Variants in TBC1D15 observed in about 807,000 individuals in gnomAD.
TBC1D15 encodes the protein TBC1 domain family member 15.
A neutral mutation model predicts 95.4 loss-of-function variants in TBC1D15; 39 were observed. The ratio of observed to expected loss-of-function variants is 0.41; its 90% confidence interval spans 0.32 to 0.53. TBC1D15 has a LOEUF of 0.53. TBC1D15 is among the 20% of genes least tolerant of loss of function. TBC1D15 has a pLI of 0.29. For missense variants in TBC1D15, 733 were observed against 794.3 expected (o/e 0.92, Z 0.93); for synonymous variants, 258 against 261.3 (o/e 0.99, Z 0.12).
intron 4 of TBC1D15, 151 bp from the exon 5 acceptor site, chr12:71,884,660 C>T: frequency 8.5e-6 from 5 of 587,880 alleles, no homozygotes; most frequent in South Asian, 2.5e-5. Context: ...TATAAGTAGC[C>T]ATATCTAATA....
At chr12:71,872,011 A>G (rs1892808138) in intron 1 of TBC1D15, 59 bp from the exon 2 acceptor site, 2 of 690,028 alleles carry the variant, frequency 2.9e-6, no homozygotes, top group South Asian at 7.4e-5. Flanking sequence ...TAATATTTTA[A>G]CATGTTAAAA....
chr12:71,920,108 G>A (rs1868692833), intron 14 of TBC1D15, among the ~76,000 whole-genome samples: 1 of 152,070 alleles, frequency 6.6e-6, no homozygotes, highest in South Asian at 2.1e-4. Context: ...CATGAAGCAG[G>A]GGGAAATTAA....
intron 9 of TBC1D15, 45 bp downstream of exon 9, chr12:71,896,825 C>T: frequency 6.8e-7 from 1 of 1,467,336 alleles, no homozygotes; most frequent in Non-Finnish European, 9.5e-7. Context: ...ATTCAAGTAA[C>T]CCACTCATAC....
Position 71,851,005 on chromosome 12 carries a change from AAAAG to A in TBC1D15, c.30+11202_30+11205del, listed in dbSNP as rs1301706604. Reference sequence around the variant, plus strand: ...ATCTCAAAAAAAAAAAAAAAAAAAAAAAAGAAAGAAATACCTGAGACTTGGTAAT... The same window carrying A: ...ATCTCAAAAAAAAAAAAAAAAAAAAAAAAGAAATACCTGAGACTTGGTAAT... On this transcript the variant is annotated intron_variant, in intron 1 of 16. Coordinates refer to ENST00000485960, the MANE Select transcript of TBC1D15 (RefSeq NM_001146213.3). Among the ~76,000 whole-genome samples, 12 of 151,196 alleles carry A rather than the reference AAAAG, an allele frequency of 7.9e-5. No individual in the cohort carries two copies. In the East Asian group the frequency reaches 1.7e-3, roughly 22 times the overall value.
chr12:71,914,977 G>GTA (rs1401125222), intron 12 of TBC1D15, among the ~76,000 whole-genome samples: 2 of 151,698 alleles, frequency 1.3e-5, no homozygotes, highest in Non-Finnish European at 2.9e-5. Flanking sequence ...TTTTCTAAAT[G>GTA]TATACTTGGT....
intron 1 of TBC1D15, among the ~76,000 whole-genome samples, chr12:71,852,965 G>T (rs1272113482): frequency 6.6e-6 from 1 of 152,234 alleles, no homozygotes. Flanking sequence ...ACATTTTAAG[G>T]TGTTTTTATA....
At chr12:71,902,046 ACT>A (rs1899510802) in intron 10 of TBC1D15, among the ~76,000 whole-genome samples, 1 of 152,156 alleles carries the variant, frequency 6.6e-6, no homozygotes, top group Non-Finnish European at 1.5e-5. Flanking sequence ...AGGTGAAAGA[ACT>A]CTGCAATGAG....
chr12:71,913,969 T>G (rs1433866305), intron 12 of TBC1D15, 43 bp downstream of exon 12: 2 of 1,432,970 alleles, frequency 1.4e-6, no homozygotes, highest in East Asian at 2.4e-5. Flanking sequence ...TTTTAAAATT[T>G]TAGTTGTATA....
rs187767854 is a variant in TBC1D15 at position 71,857,462 on chromosome 12, A to G, written c.31-14608A>G. ...ATAAACATAAGAAGCAGAATGTTCT[A>G]TGGCAGGATGATACTACTCAGGAAT... On this transcript the variant is annotated intron_variant, in intron 1 of 16. Transcript: ENST00000485960. Among the ~76,000 whole-genome samples, 720 of 152,356 alleles carry G rather than the reference A, an allele frequency of 4.7e-3. 9 individuals carry two copies. The highest frequency in any genetic ancestry group is 6.1e-3 in the Non-Finnish European group (417 of 68,040).
chr12:71,862,585 T>A (rs1364672784), intron 1 of TBC1D15, among the ~76,000 whole-genome samples: 1 of 152,238 alleles, frequency 6.6e-6, no homozygotes, highest in Non-Finnish European at 1.5e-5. Flanking sequence ...ATTTAAAAAA[T>A]TCCATTTATC....
intron 3 of TBC1D15, among the ~76,000 whole-genome samples, chr12:71,876,604 A>G (rs1893873077): frequency 6.6e-6 from 1 of 151,790 alleles, no homozygotes; most frequent in Admixed American, 6.6e-5. Context: ...TCCCATGCCA[A>G]CCTCTGTTTT....
At chr12:71,898,490 A>G (rs1281673110) in intron 10 of TBC1D15, among the ~76,000 whole-genome samples, 2 of 152,254 alleles carry the variant, frequency 1.3e-5, no homozygotes, top group African/African-American at 4.8e-5. Context: ...ACTATTCTCT[A>G]AAACACAGAG....
At chr12:71,895,743 A>G (rs937194908) in intron 7 of TBC1D15, among the ~76,000 whole-genome samples, 21 of 152,118 alleles carry the variant, frequency 1.4e-4, no homozygotes, top group Admixed American at 1.1e-3. Flanking sequence ...TGAATTTATA[A>G]CCCAGTTTGT....
At chr12:71,842,183 C>A (rs922187503) in intron 1 of TBC1D15, among the ~76,000 whole-genome samples, 3 of 152,184 alleles carry the variant, frequency 2.0e-5, no homozygotes, top group Non-Finnish European at 4.4e-5. Flanking sequence ...TTGCTTTGAA[C>A]TTGGAGTTTC....
chr12:71,882,513 T>C (rs966291349), intron 4 of TBC1D15, among the ~76,000 whole-genome samples: 2 of 152,232 alleles, frequency 1.3e-5, no homozygotes, highest in Non-Finnish European at 2.9e-5. Flanking sequence ...AGTTTTTACA[T>C]GTATTTGGTA....
intron 1 of TBC1D15, among the ~76,000 whole-genome samples, chr12:71,845,528 T>A (rs1416451385): frequency 6.6e-6 from 1 of 152,004 alleles, no homozygotes; most frequent in Admixed American, 6.6e-5. Context: ...ATAGAACACA[T>A]GAGATTAAGA....
chr12:71,890,995 C>G (rs1032828281), intron 5 of TBC1D15, among the ~76,000 whole-genome samples: 3 of 152,124 alleles, frequency 2.0e-5, no homozygotes, highest in Non-Finnish European at 4.4e-5. Flanking sequence ...AAAATATTCC[C>G]TTAAAAAGCC....
intron 1 of TBC1D15, among the ~76,000 whole-genome samples, chr12:71,860,530 A>T (rs946691428): frequency 6.6e-6 from 1 of 151,828 alleles, no homozygotes; most frequent in Non-Finnish European, 1.5e-5. Flanking sequence ...TGCTTTCTTG[A>T]TTTGTTTTTC....
intron 14 of TBC1D15, among the ~76,000 whole-genome samples, chr12:71,919,273 CAAGT>C (rs1868360811): frequency 6.7e-6 from 1 of 148,562 alleles, no homozygotes; most frequent in East Asian, 2.0e-4. Context: ...CTCCTGGACT[CAAGT>C]AATCCTCTTG....
Sources: allele counts gnomAD v4.1 joint callset (sites outside exome capture counted in the v4.1 genomes callset), GRCh38; gene constraint gnomAD v4.1.1; transcripts MANE v1.5; gene names NCBI Gene and HGNC (gene_info 2026-07-23, HGNC 2026-07-21).